DCC: variants seen among roughly 807,000 people sequenced by gnomAD.
DCC encodes DCC netrin 1 receptor.
A neutral mutation model predicts 172.5 loss-of-function variants in DCC; 58 were observed. The observed-to-expected ratio is 0.34, with a 90% CI of 0.27 to 0.42. The LOEUF is 0.42. Among genes scored for constraint, DCC ranks in the 10% least tolerant of loss-of-function variants. The pLI is 1.00. For missense variants in DCC, 1,740 were observed against 1,791.0 expected (o/e 0.97, Z 0.51); for synonymous variants, 709 against 644.5 (o/e 1.10, Z -1.52).
At chr18:53,245,619 T>A (rs754714924) in intron 12 of DCC, among the ~76,000 whole-genome samples, 5 of 152,096 alleles carry the variant, frequency 3.3e-5, no homozygotes, top group Non-Finnish European at 5.9e-5. Context: ...AGGAGTATAA[T>A]GTTTCTCCTT....
chr18:53,451,064 AG>A (rs1264464408), intron 23 of DCC, among the ~76,000 whole-genome samples: 1 of 152,206 alleles, frequency 6.6e-6, no homozygotes, highest in East Asian at 1.9e-4. Context: ...TTTTACAAGG[AG>A]CCCTGTAGGC....
At chr18:52,815,146 G>T (rs1186169821) in intron 2 of DCC, among the ~76,000 whole-genome samples, 1 of 152,066 alleles carries the variant, frequency 6.6e-6, no homozygotes, top group Non-Finnish European at 1.5e-5. Context: ...TGAAATACAG[G>T]CTTAATAATT....
intron 13 of DCC, among the ~76,000 whole-genome samples, chr18:53,306,415 A>T (rs1370060662): frequency 6.6e-6 from 1 of 152,242 alleles, no homozygotes; most frequent in East Asian, 1.9e-4. Context: ...AGAAGGAGAG[A>T]ACAAGGAAAG....
At chr18:53,119,854 T>C (rs2043458883) in intron 7 of DCC, among the ~76,000 whole-genome samples, 1 of 151,848 alleles carries the variant, frequency 6.6e-6, no homozygotes, top group Admixed American at 6.6e-5. Context: ...TTACTGACTT[T>C]CTCTGGCCTC....
intron 12 of DCC, among the ~76,000 whole-genome samples, chr18:53,238,016 C>T (rs2144630454): frequency 6.6e-6 from 1 of 152,278 alleles, no homozygotes; most frequent in South Asian, 2.1e-4. Flanking sequence ...CTATTACTTT[C>T]TAAAAGAATC....
At chr18:53,248,633 C>A (rs770528675) in intron 12 of DCC, among the ~76,000 whole-genome samples, 4 of 152,010 alleles carry the variant, frequency 2.6e-5, no homozygotes, top group Non-Finnish European at 5.9e-5. Flanking sequence ...CCCTGCCACA[C>A]CTCTGCAATT....
intron 5 of DCC, among the ~76,000 whole-genome samples, chr18:53,038,409 A>T (rs995421347): frequency 1.3e-5 from 2 of 151,922 alleles, no homozygotes; most frequent in African/African-American, 4.8e-5. Context: ...TCAGGACCTA[A>T]TCTAAACCTA....
intron 2 of DCC, among the ~76,000 whole-genome samples, chr18:52,766,498 G>T (rs1460233284): frequency 6.6e-6 from 1 of 152,042 alleles, no homozygotes; most frequent in Non-Finnish European, 1.5e-5. Flanking sequence ...TGGTAAATGT[G>T]GGGGATTTTA....
chr18:53,285,450 C>G (rs994712599), intron 12 of DCC, among the ~76,000 whole-genome samples: 1 of 152,194 alleles, frequency 6.6e-6, no homozygotes, highest in Non-Finnish European at 1.5e-5. Flanking sequence ...CGTTTTTAAG[C>G]CTGCAGGTAC....
chr18:53,072,035 A>T (rs2042658923), intron 7 of DCC, among the ~76,000 whole-genome samples: 1 of 152,174 alleles, frequency 6.6e-6, no homozygotes, highest in Admixed American at 6.5e-5. Flanking sequence ...GGCTGAGGCC[A>T]GGACAATCAG....
intron 1 of DCC, among the ~76,000 whole-genome samples, chr18:52,635,814 A>T (rs1456596712): frequency 3.9e-5 from 5 of 128,988 alleles, no homozygotes; most frequent in Non-Finnish European, 8.7e-5. Context: ...CTAGAATTAA[A>T]CTCCCCCCAA....
intron 14 of DCC, among the ~76,000 whole-genome samples, chr18:53,329,784 A>G (rs144022341): frequency 1.7e-4 from 26 of 152,306 alleles, no homozygotes; most frequent in African/African-American, 2.4e-4. Context: ...AAGAATCCCA[A>G]GAAATTTTGG....
intron 1 of DCC, among the ~76,000 whole-genome samples, chr18:52,566,657 T>C (rs1362878204): frequency 6.6e-6 from 1 of 152,108 alleles, no homozygotes; most frequent in Non-Finnish European, 1.5e-5. Context: ...AAAAATGATA[T>C]TGGGGCTACA....
intron 1 of DCC, among the ~76,000 whole-genome samples, chr18:52,396,469 T>C (rs1016227340): frequency 6.6e-5 from 10 of 152,022 alleles, no homozygotes; most frequent in Admixed American, 3.3e-4. Context: ...GTGACCCCTT[T>C]ATGGGGGAAA....
chr18:52,995,877 C>A (rs551037928), intron 5 of DCC, among the ~76,000 whole-genome samples: 1 of 151,902 alleles, frequency 6.6e-6, no homozygotes, highest in African/African-American at 2.4e-5. Flanking sequence ...CCCTAGCACT[C>A]CCCAGCTTTT....
intron 1 of DCC, among the ~76,000 whole-genome samples, chr18:52,708,363 A>G (rs1306190757): frequency 6.6e-6 from 1 of 151,624 alleles, no homozygotes; most frequent in East Asian, 1.9e-4. Context: ...AATGGCGTGA[A>G]CCCAGGAGGC....
chr18:52,851,876 C>A (rs1034014547), intron 2 of DCC, among the ~76,000 whole-genome samples: 2 of 152,166 alleles, frequency 1.3e-5, no homozygotes, highest in South Asian at 4.2e-4. Context: ...TATGATCTTA[C>A]CAGTGGGTTT....
chr18:52,818,787 A>T (rs6508163), intron 2 of DCC, among the ~76,000 whole-genome samples: 1 of 152,150 alleles, frequency 6.6e-6, no homozygotes. Context: ...CATAACACAG[A>T]TAAATTGAAA....
chr18:53,114,706 C>G (rs982573352), intron 7 of DCC, among the ~76,000 whole-genome samples: 1 of 151,458 alleles, frequency 6.6e-6, no homozygotes, highest in Non-Finnish European at 1.5e-5. Flanking sequence ...CTGAATTGCT[C>G]CTACACAGAA....
Sources: allele counts gnomAD v4.1 joint callset (sites outside exome capture counted in the v4.1 genomes callset), GRCh38; gene constraint gnomAD v4.1.1; transcripts MANE v1.5; gene names NCBI Gene and HGNC (gene_info 2026-07-23, HGNC 2026-07-21).